The following KDM4C variants were observed in gnomAD, a reference collection of about 807,000 sequenced individuals.
KDM4C encodes lysine demethylase 4C.
KDM4C carries 81 observed loss-of-function variants against 129.3 expected under a neutral mutation model. The observed-to-expected ratio is 0.63, with a 90% CI of 0.52 to 0.75. KDM4C has a LOEUF of 0.75. Ranked by LOEUF, KDM4C falls within the 30% of genes least tolerant of loss-of-function variation. The pLI, the probability that KDM4C is intolerant of heterozygous loss-of-function variation, is 0.00. For missense variants in KDM4C, 1,457 were observed against 1,304.0 expected, an observed-to-expected ratio of 1.12 and a Z score of -1.81; for synonymous variants, 573 against 456.1, an observed-to-expected ratio of 1.26 and a Z score of -3.26.
chr9:7,019,719 ATAATATTTT>A (rs1824359797), intron 15 of KDM4C, among the ~76,000 whole-genome samples: 1 of 112,788 alleles, frequency 8.9e-6, no homozygotes, highest in East Asian at 3.0e-4. Flanking sequence ...ATATAAAAAT[ATAATATTTT>A]TATATATAAA....
intron 8 of KDM4C, among the ~76,000 whole-genome samples, chr9:6,911,885 G>A (rs1443345244): frequency 1.3e-5 from 2 of 152,142 alleles, no homozygotes; most frequent in African/African-American, 4.8e-5. Context: ...AACACCCCAT[G>A]TCCTTTGGAT....
At chr9:6,878,945 A>G (rs1844013682) in intron 5 of KDM4C, among the ~76,000 whole-genome samples, 1 of 152,204 alleles carries the variant, frequency 6.6e-6, no homozygotes, top group Non-Finnish European at 1.5e-5. Context: ...TTGTCTTCCC[A>G]TTTCGGTTGG....
chr9:7,046,698 C>A (rs1410747785), intron 15 of KDM4C, among the ~76,000 whole-genome samples, 164 bp from the exon 16 acceptor site: 1 of 151,962 alleles, frequency 6.6e-6, no homozygotes, highest in Non-Finnish European at 1.5e-5. Context: ...ATTTCCCCCT[C>A]CGCTGTCTTT....
chr9:6,988,770 C>T (rs1312007993), intron 11 of KDM4C, among the ~76,000 whole-genome samples: 2 of 152,066 alleles, frequency 1.3e-5, no homozygotes, highest in African/African-American at 4.8e-5. Context: ...ACGTGCTATT[C>T]TTGCTCCCCC....
chr9:6,867,463 A>G (rs753719052), intron 5 of KDM4C, among the ~76,000 whole-genome samples: 29 of 152,338 alleles, frequency 1.9e-4, no homozygotes, highest in Admixed American at 4.6e-4. Context: ...GAAGATTCCT[A>G]TATAAGGTAA....
chr9:6,753,855 C>T (rs1040248968), upstream of KDM4C, among the ~76,000 whole-genome samples: 2 of 147,142 alleles, frequency 1.4e-5, no homozygotes, highest in African/African-American at 2.5e-5. Context: ...CTAAGTATTA[C>T]TATCATTGAA....
chr9:7,081,607 A>G (rs1306007086), intron 17 of KDM4C, among the ~76,000 whole-genome samples: 1 of 152,242 alleles, frequency 6.6e-6, no homozygotes. Flanking sequence ...GTTGGCAATC[A>G]TAAATGCCAG....
chr9:6,747,539 CAAAAAAAAAA>C (rs35996555), intron 1 of KDM4C, among the ~76,000 whole-genome samples: 3 of 98,006 alleles, frequency 3.1e-5, no homozygotes, highest in South Asian at 3.3e-4. Context: ...CAGGGCGATT[CAAAAAAAAAA>C]AAAAAAAAAA....
intron 6 of KDM4C, among the ~76,000 whole-genome samples, chr9:6,884,685 A>T (rs1844988644): frequency 6.6e-6 from 1 of 152,120 alleles, no homozygotes; most frequent in African/African-American, 2.4e-5. Context: ...TTTCCTAAAA[A>T]GTTAATGGCT....
chr9:6,893,240 A>G lies in KDM4C; in HGVS notation c.921+8A>G, dbSNP rs370405777. The G allele has an allele frequency of 4.9e-5, 78 of 1,601,132 alleles. No homozygotes were observed. The highest frequency in any genetic ancestry group is 1.6e-4 in the Admixed American group (9 of 57,238). ...GGAAAAGTTGCCAAATTGGTAAGCTATGCCTCAAAAATAAAGCAAAAATTA... is the reference window on the plus strand; with the variant it reads ...GGAAAAGTTGCCAAATTGGTAAGCTGTGCCTCAAAAATAAAGCAAAAATTA... On this transcript the variant is annotated splice_region_variant and intron_variant, in intron 8 of 21. Coordinates refer to ENST00000381309, the MANE Select transcript of KDM4C (RefSeq NM_015061.6).
intron 8 of KDM4C, among the ~76,000 whole-genome samples, chr9:6,945,154 G>A (rs1469054427): frequency 2.6e-5 from 4 of 152,100 alleles, no homozygotes; most frequent in Non-Finnish European, 5.9e-5. Flanking sequence ...ACATACTCAC[G>A]AAAATGCTCA....
At chr9:6,771,260 AGTTTGC>A (rs1821780301) in intron 1 of KDM4C, among the ~76,000 whole-genome samples, 1 of 148,448 alleles carries the variant, frequency 6.7e-6, no homozygotes, top group East Asian at 2.0e-4. Flanking sequence ...ATAATTGGAA[AGTTTGC>A]GTATTAAATT....
rs1835554868 is a variant in KDM4C, at chr9:6,834,764, CT to C, written c.436-14742del. On this transcript the variant is annotated intron_variant, in intron 4 of 21. Transcript: ENST00000381309. ...TGTGGTTCCCGAGGAGCATCCCATGCTGCTGACCGAGGCCCCCCTGAACCCC... is the reference window on the plus strand; with the variant it reads ...TGTGGTTCCCGAGGAGCATCCCATGCGCTGACCGAGGCCCCCCTGAACCCC... The C allele has an allele frequency of 6.9e-6, 8 of 1,159,544 alleles. No homozygotes were observed. The South Asian group carries it at 9.8e-5, about 14-fold the overall frequency. 71.8% of individuals were successfully genotyped at this position (1,159,544 alleles called of 1,614,324 possible). A position where few individuals can be genotyped will look rare whatever the true frequency, so the allele number is the denominator to read the frequency against.
chr9:6,924,174 T>G (rs534355190), intron 8 of KDM4C, among the ~76,000 whole-genome samples: 13 of 152,298 alleles, frequency 8.5e-5, no homozygotes, highest in African/African-American at 3.1e-4. Context: ...AATAAGAACA[T>G]ACTGGAGAGA....
At chr9:6,834,184 G>A (rs1368278101) in intron 4 of KDM4C, among the ~76,000 whole-genome samples, 7 of 151,894 alleles carry the variant, frequency 4.6e-5, no homozygotes, top group African/African-American at 1.7e-4. Flanking sequence ...GACTACAGGC[G>A]TGCGCCACCA....
intron 17 of KDM4C, among the ~76,000 whole-genome samples, chr9:7,101,722 T>C (rs943464424): frequency 6.6e-6 from 1 of 152,132 alleles, no homozygotes; most frequent in Non-Finnish European, 1.5e-5. Flanking sequence ...GTGATGGAGG[T>C]TGGGAGATAC....
At chr9:7,134,701 C>T (rs921324121) in intron 19 of KDM4C, among the ~76,000 whole-genome samples, 2 of 152,226 alleles carry the variant, frequency 1.3e-5, no homozygotes, top group African/African-American at 4.8e-5. Flanking sequence ...AGTAGATAGA[C>T]TTTGCCCAAT....
chr9:7,036,424 G>T (rs1352655142), intron 15 of KDM4C, among the ~76,000 whole-genome samples: 1 of 152,130 alleles, frequency 6.6e-6, no homozygotes, highest in African/African-American at 2.4e-5. Context: ...GAGTACTTCT[G>T]ACCAGTCTTA....
chr9:6,822,413 G>A (rs780470974), intron 4 of KDM4C, among the ~76,000 whole-genome samples: 1 of 152,206 alleles, frequency 6.6e-6, no homozygotes, highest in Non-Finnish European at 1.5e-5. Context: ...TCAGGAGGAT[G>A]AGATTAATAT....
Sources: allele counts gnomAD v4.1 joint callset (sites outside exome capture counted in the v4.1 genomes callset), GRCh38; gene constraint gnomAD v4.1.1; transcripts MANE v1.5; gene names NCBI Gene and HGNC (gene_info 2026-07-23, HGNC 2026-07-21).